CCDC191: variants seen among roughly 807,000 people sequenced by gnomAD.
CCDC191 encodes coiled-coil domain containing 191.
CCDC191 carries 99 observed loss-of-function variants against 114.0 expected under a neutral mutation model. That is an observed-to-expected ratio of 0.87 (90% CI 0.74 to 1.03). The LOEUF (loss-of-function observed/expected upper bound fraction) is 1.03. CCDC191 is among the 50% of genes least tolerant of loss of function. CCDC191 has a pLI of 0.00. For missense variants in CCDC191, 973 were observed against 1,087.0 expected (o/e 0.90, Z 1.47); for synonymous variants, 351 against 376.0 (o/e 0.93, Z 0.77).
chr3:113,978,971 A>G lies in CCDC191; in HGVS notation c.2347T>C (p.Tyr783His). 3 of 1,614,026 alleles carry G rather than the reference A, an allele frequency of 1.9e-6. No individual in the cohort carries two copies. The highest frequency in any genetic ancestry group is 2.2e-5 in the East Asian group (1 of 44,876). ...CTACGCTGGAACCACGTCAGCATGTATTTCCTCTGCAGGAACAAAGAGTAA... is the reference window on the plus strand; with the variant it reads ...CTACGCTGGAACCACGTCAGCATGTGTTTCCTCTGCAGGAACAAAGAGTAA... Reference protein sequence around the residue: ...EHYSLFLQRKYMLTWFQRSQE... With the variant: ...EHYSLFLQRKHMLTWFQRSQE... Residue 783 changes from tyrosine (Y) to histidine (H), a missense_variant, in exon 15 of 17, where the codon TAC becomes CAC. Coordinates refer to ENST00000295878, the MANE Select transcript of CCDC191 (RefSeq NM_020817.2).
chr3:113,991,178 G>GT (rs941010251), intron 13 of CCDC191, among the ~76,000 whole-genome samples: 1 of 149,354 alleles, frequency 6.7e-6, no homozygotes, highest in Non-Finnish European at 1.5e-5. Flanking sequence ...GGAGGTTACA[G>GT]TGAGCTGAGA....
intron 1 of CCDC191, among the ~76,000 whole-genome samples, chr3:114,055,358 C>T (rs1326060557): frequency 1.3e-5 from 2 of 152,204 alleles, no homozygotes; most frequent in African/African-American, 2.4e-5. Context: ...TATCTTGGAT[C>T]CAATACATTA....
In CCDC191 at chr3:114,053,099, A is replaced by G. The variant is rs1372645042; in HGVS notation, c.129+498T>C. On this transcript the variant is annotated intron_variant, in intron 2 of 16. Transcript: ENST00000295878. ...CCTCAAACATATTGTTCATTAGCCT[A>G]ACATTAAGTGACCAGTTAGAGTCCA... 2.0e-5 allele frequency among the ~76,000 whole-genome samples: 3 copies of G among 152,236 alleles called. No homozygotes were observed. The East Asian group carries it at 5.8e-4, about 29-fold the overall frequency.
intron 9 of CCDC191, among the ~76,000 whole-genome samples, chr3:114,008,575 AAAG>A (rs2076013918): frequency 6.6e-6 from 1 of 151,962 alleles, no homozygotes; most frequent in Non-Finnish European, 1.5e-5. Context: ...AGCAGTGATA[AAAG>A]AAGAAGCCGA....
intron 2 of CCDC191, among the ~76,000 whole-genome samples, chr3:114,053,390 T>G (rs2076722580): frequency 6.6e-6 from 1 of 152,166 alleles, no homozygotes; most frequent in Non-Finnish European, 1.5e-5. Flanking sequence ...CCTGTTTTCT[T>G]GTCATTCCTA....
chr3:113,983,697 C>T (rs1056878444), intron 13 of CCDC191, among the ~76,000 whole-genome samples: 2 of 152,170 alleles, frequency 1.3e-5, no homozygotes, highest in African/African-American at 4.8e-5. Flanking sequence ...CTAACATCTA[C>T]GTAAGTAAAT....
At chr3:114,001,801 C>A in intron 12 of CCDC191, 105 bp from the exon 13 acceptor site, 1 of 1,377,514 alleles carries the variant, frequency 7.3e-7, no homozygotes, top group South Asian at 1.3e-5. Context: ...CCTGTCCTAT[C>A]TCTGGAAGAA....
At chr3:114,003,102 A>C in intron 11 of CCDC191, 3 of 985,454 alleles carry the variant, frequency 3.0e-6, no homozygotes, top group African/African-American at 1.7e-5. Flanking sequence ...GAATTGTACC[A>C]GGCATTTGGA....
chr3:113,998,356 G>A (rs557957849), intron 13 of CCDC191, among the ~76,000 whole-genome samples: 4 of 151,408 alleles, frequency 2.6e-5, no homozygotes, highest in Non-Finnish European at 4.4e-5. Context: ...CCTCAGGCAG[G>A]TCCTTCAAGA....
chr3:113,976,734 A>G lies in CCDC191; in HGVS notation c.2606+1452T>C, dbSNP rs144373574. On this transcript the variant is annotated intron_variant, in intron 16 of 16. Coordinates refer to ENST00000295878, the MANE Select transcript of CCDC191 (RefSeq NM_020817.2). ...TGTTTAGTCTTCACAGCAATCCATA[A>G]GATAGATAGATAGGTTCTGTTGCTA... Among the ~76,000 whole-genome samples, 468 of 151,860 alleles carry G rather than the reference A, an allele frequency of 3.1e-3. 2 individuals carry two copies. Among genetic ancestry groups the G allele is most frequent in the African/African-American group, 0.011 (446 of 41,424 alleles).
At chr3:114,035,398 G>C (rs2076469308) in intron 5 of CCDC191, among the ~76,000 whole-genome samples, 1 of 152,200 alleles carries the variant, frequency 6.6e-6, no homozygotes, top group Admixed American at 6.5e-5. Flanking sequence ...GAAAAGTTGA[G>C]AATCTAATGA....
chr3:113,999,629 T>C (rs1301366023), intron 13 of CCDC191, among the ~76,000 whole-genome samples: 1 of 152,166 alleles, frequency 6.6e-6, no homozygotes, highest in African/African-American at 2.4e-5. Context: ...GCTGAGGTGC[T>C]TGCTGAAGGC....
chr3:113,979,136 C>T (rs1360453029), intron 14 of CCDC191, 126 bp from the exon 15 acceptor site: 1 of 838,022 alleles, frequency 1.2e-6, no homozygotes, highest in Non-Finnish European at 1.9e-6. Context: ...TCTGAAGGTA[C>T]ATGCAGCCTG....
At position 113,969,194 on chromosome 3, in the gene CCDC191, C is replaced by T. The variant is rs1233956860; in HGVS notation, c.2607-3835G>A. Among the ~76,000 whole-genome samples the T allele has an allele frequency of 2.6e-5, 4 of 152,224 alleles. No homozygotes were observed. In the East Asian group the frequency reaches 7.7e-4, roughly 29 times the overall value. ...CATGACCCAAATACCTCCCATTAGA[C>T]TCCACTTCCGTCCAACATTGAGGAT... On this transcript the variant is annotated intron_variant, in intron 16 of 16. Transcript: ENST00000295878.
intron 13 of CCDC191, among the ~76,000 whole-genome samples, chr3:113,999,721 T>C (rs1278202572): frequency 1.3e-5 from 2 of 152,212 alleles, no homozygotes; most frequent in Non-Finnish European, 2.9e-5. Context: ...AAACAAAAAC[T>C]GTGTCATGAG....
intron 11 of CCDC191, chr3:114,003,054 T>C (rs1339822439): frequency 1.0e-6 from 1 of 985,318 alleles, no homozygotes; most frequent in African/African-American, 1.7e-5. Flanking sequence ...TATTTGAATC[T>C]AGTTTTAAGG....
chr3:113,983,780 G>C (rs982701911), intron 13 of CCDC191, among the ~76,000 whole-genome samples: 2 of 152,160 alleles, frequency 1.3e-5, no homozygotes, highest in Admixed American at 6.5e-5. Flanking sequence ...ATCTTGCCTT[G>C]TCTTCTCTGA....
intron 13 of CCDC191, among the ~76,000 whole-genome samples, chr3:113,996,650 A>C (rs2075729852): frequency 6.6e-6 from 1 of 152,244 alleles, no homozygotes; most frequent in South Asian, 2.1e-4. Flanking sequence ...GATTGGATAA[A>C]GAAAATGTGG....
chr3:114,021,932 A>G (rs1225491092), intron 7 of CCDC191, among the ~76,000 whole-genome samples: 2 of 152,262 alleles, frequency 1.3e-5, no homozygotes, highest in East Asian at 1.9e-4. Flanking sequence ...TAGATTTTCA[A>G]ATATAGTCAG....
Sources: allele counts gnomAD v4.1 joint callset (sites outside exome capture counted in the v4.1 genomes callset), GRCh38; gene constraint gnomAD v4.1.1; transcripts MANE v1.5; gene names NCBI Gene and HGNC (gene_info 2026-07-23, HGNC 2026-07-21).